Variants in EPHA6 observed in about 807,000 individuals in gnomAD.
The protein encoded by EPHA6 is EPH receptor A6.
A neutral mutation model predicts 112.0 loss-of-function variants in EPHA6; 50 were observed. That is an observed-to-expected ratio of 0.45 (90% CI 0.36 to 0.56). EPHA6 has a LOEUF of 0.56. Ranked by LOEUF, EPHA6 falls within the 20% of genes least tolerant of loss-of-function variation. EPHA6 has a pLI of 0.00. For synonymous variants in EPHA6, 529 were observed against 490.7 expected (o/e 1.08, Z -1.03); for missense variants, 1,280 against 1,417.4 (o/e 0.90, Z 1.56).
rs2107461472 is a variant in EPHA6 at position 97,475,474 on chromosome 3, A to G, written c.2003+14A>G. 2 of 1,543,406 alleles carry G rather than the reference A, an allele frequency of 1.3e-6. No homozygotes were observed. Among genetic ancestry groups the G allele is most frequent in the East Asian group, 4.5e-5 (2 of 44,428 alleles). ...GATCACTGGGAGGTAACTGAAACAT[A>G]CCATACTATTTCCGAGATTTATGAA... is the stretch of plus-strand genomic sequence containing the variant. On this transcript the variant is annotated intron_variant, in intron 8 of 17. Coordinates refer to ENST00000389672, the MANE Select transcript of EPHA6 (RefSeq NM_001080448.3).
At chr3:97,602,178 T>G (rs1226688664) in intron 12 of EPHA6, among the ~76,000 whole-genome samples, 1 of 152,044 alleles carries the variant, frequency 6.6e-6, no homozygotes, top group Non-Finnish European at 1.5e-5. Context: ...AAGCCAAATT[T>G]GAGAATATTA....
intron 7 of EPHA6, among the ~76,000 whole-genome samples, chr3:97,456,349 A>G (rs2090683704): frequency 6.6e-6 from 1 of 152,200 alleles, no homozygotes; most frequent in South Asian, 2.1e-4. Flanking sequence ...ACCATGCTGT[A>G]TATCAGATTC....
chr3:97,690,649 G>A (rs2032599660), intron 14 of EPHA6, among the ~76,000 whole-genome samples: 1 of 151,950 alleles, frequency 6.6e-6, no homozygotes. Context: ...TGTATTTTTA[G>A]TAGAGACGAG....
chr3:97,176,311 G>A (rs1048775335), intron 3 of EPHA6, among the ~76,000 whole-genome samples: 1 of 151,818 alleles, frequency 6.6e-6, no homozygotes, highest in Non-Finnish European at 1.5e-5. Context: ...GTGTTTAGTT[G>A]AGGATTTTTT....
chr3:97,662,946 C>G (rs550873589), intron 14 of EPHA6, among the ~76,000 whole-genome samples: 49 of 152,314 alleles, frequency 3.2e-4, no homozygotes, highest in African/African-American at 1.2e-3. Flanking sequence ...CTGGAACTCA[C>G]TTTCCCTGCA....
chr3:97,327,372 A>G (rs1000782912), intron 5 of EPHA6, among the ~76,000 whole-genome samples: 6 of 152,062 alleles, frequency 3.9e-5, no homozygotes, highest in South Asian at 4.1e-4. Context: ...TTTCCACTCA[A>G]TAGTAACATC....
intron 2 of EPHA6, among the ~76,000 whole-genome samples, chr3:96,885,033 C>T (rs932282555): frequency 6.6e-6 from 1 of 152,018 alleles, no homozygotes; most frequent in African/African-American, 2.4e-5. Context: ...CATTTATTGA[C>T]TTGTGTATGT....
intron 9 of EPHA6, among the ~76,000 whole-genome samples, chr3:97,482,690 GTTTTTGAT>G (rs2091587057): frequency 6.6e-6 from 1 of 152,108 alleles, no homozygotes; most frequent in African/African-American, 2.4e-5. Context: ...TTGTTTGTTT[GTTTTTGAT>G]TTTTTTGTTT....
intron 3 of EPHA6, among the ~76,000 whole-genome samples, chr3:97,179,717 G>GTC (rs71113852): frequency 0.1 from 12,380 of 118,920 alleles, 681 homozygotes; most frequent in South Asian, 0.14. Flanking sequence ...AACCTACAGA[G>GTC]TCTCTCTCTC....
intron 3 of EPHA6, among the ~76,000 whole-genome samples, chr3:97,082,683 T>A (rs374724632): frequency 5.9e-4 from 89 of 151,992 alleles, no homozygotes; most frequent in African/African-American, 2.1e-3. Context: ...GATCTGCCAG[T>A]CTCTTAGAAG....
At chr3:97,277,021 C>T (rs527621226) in intron 5 of EPHA6, among the ~76,000 whole-genome samples, 38 of 152,032 alleles carry the variant, frequency 2.5e-4, no homozygotes, top group East Asian at 1.4e-3. Flanking sequence ...GGACCTAGCT[C>T]GGCCTGGCAA....
At chr3:97,641,205 C>G (rs1019386608) in intron 14 of EPHA6, among the ~76,000 whole-genome samples, 2 of 152,116 alleles carry the variant, frequency 1.3e-5, no homozygotes, top group Non-Finnish European at 2.9e-5. Flanking sequence ...GATATTCTGT[C>G]TCAAAGGCAA....
intron 3 of EPHA6, among the ~76,000 whole-genome samples, chr3:97,212,157 A>G (rs1001152833): frequency 2.6e-5 from 4 of 152,188 alleles, no homozygotes; most frequent in African/African-American, 7.2e-5. Context: ...GTGAAACAAG[A>G]ATAAGAATCT....
chr3:97,066,626 G>A (rs548986067), intron 3 of EPHA6, among the ~76,000 whole-genome samples: 2 of 152,290 alleles, frequency 1.3e-5, no homozygotes, highest in South Asian at 4.1e-4. Context: ...ACAGATGTCA[G>A]TGGCTACTAC....
intron 5 of EPHA6, among the ~76,000 whole-genome samples, chr3:97,371,086 C>CTTT (rs10707071): frequency 3.4e-4 from 49 of 145,970 alleles, no homozygotes; most frequent in African/African-American, 1.2e-3. Context: ...AGAAGATCCA[C>CTTT]TTTTTTTTTT....
At chr3:97,020,338 T>C (rs2044412840) in intron 3 of EPHA6, among the ~76,000 whole-genome samples, 1 of 152,182 alleles carries the variant, frequency 6.6e-6, no homozygotes, top group Non-Finnish European at 1.5e-5. Context: ...GAATAATGCA[T>C]GCAGAAATTT....
intron 6 of EPHA6, among the ~76,000 whole-genome samples, chr3:97,423,634 A>G (rs950598318): frequency 6.6e-6 from 1 of 152,208 alleles, no homozygotes; most frequent in African/African-American, 2.4e-5. Flanking sequence ...CATTTTTTAC[A>G]GAATTAGAAA....
At chr3:96,914,638 C>A (rs1411924566) in intron 2 of EPHA6, among the ~76,000 whole-genome samples, 1 of 152,070 alleles carries the variant, frequency 6.6e-6, no homozygotes, top group Non-Finnish European at 1.5e-5. Context: ...GACAACATGG[C>A]AGAGTTTAGT....
chr3:97,446,834 T>A (rs2107310308), intron 6 of EPHA6, among the ~76,000 whole-genome samples: 1 of 152,288 alleles, frequency 6.6e-6, no homozygotes, highest in Middle Eastern at 3.4e-3. Flanking sequence ...AGCAAGCTCC[T>A]ACATTTAATC....
Sources: allele counts gnomAD v4.1 joint callset (sites outside exome capture counted in the v4.1 genomes callset), GRCh38; gene constraint gnomAD v4.1.1; transcripts MANE v1.5; gene names NCBI Gene and HGNC (gene_info 2026-07-23, HGNC 2026-07-21).